Variants in TTBK1 observed in about 807,000 individuals in gnomAD.
TTBK1 encodes tau-tubulin kinase 1.
A neutral mutation model predicts 108.5 loss-of-function variants in TTBK1; 34 were observed. The ratio of observed to expected loss-of-function variants is 0.31; its 90% CI spans 0.24 to 0.42. The LOEUF (loss-of-function observed/expected upper bound fraction) is 0.42, where lower values mean the gene tolerates loss of function less well. Ranked by LOEUF, TTBK1 falls within the 10% of genes least tolerant of loss-of-function variation. The pLI is 1.00. For missense variants in TTBK1, 1,539 were observed against 1,826.0 expected, an observed-to-expected ratio of 0.84 and a Z score of 2.86; for synonymous variants, 809 against 795.1, an observed-to-expected ratio of 1.02 and a Z score of -0.29.
At position 43,259,715 on chromosome 6, in the gene TTBK1, G is replaced by A. The variant is rs1194288246; in HGVS notation, c.1424+9G>A. ...GAGCTACCTGAGAGGAGGTGGGTCT[G>A]GGGCCAGGGGCATGGTTGGGGCCCA... On this transcript the variant is annotated intron_variant, in intron 12 of 14. Transcript: ENST00000259750. This position sits in a 1 kb window ranked among gnomAD's most constrained non-coding sequence, Gnocchi z 6.7. 1 of 1,562,466 alleles carries A rather than the reference G, an allele frequency of 6.4e-7. No individual in the cohort carries two copies. The highest frequency in any genetic ancestry group is 8.7e-7 in the Non-Finnish European group (1 of 1,155,494).
At chr6:43,271,175 G>C in intron 13 of TTBK1, 1 of 985,496 alleles carries the variant, frequency 1.0e-6, no homozygotes, top group South Asian at 4.7e-5. Flanking sequence ...AGAAAGGGCC[G>C]TGCCTGTATG....
rs906282222 is a variant in TTBK1, at chr6:43,265,153, G to T, written c.1986+1803G>T. Reference sequence around the variant, plus strand: ...AGAGTCATGGAGGGGATGCCGGAAGGGGCTCAGGGGCTGTGCCGCGTTCCA... The same window carrying T: ...AGAGTCATGGAGGGGATGCCGGAAGTGGCTCAGGGGCTGTGCCGCGTTCCA... On this transcript the variant is annotated intron_variant, in intron 13 of 14. Coordinates refer to ENST00000259750, the MANE Select transcript of TTBK1 (RefSeq NM_032538.3). The surrounding 1 kb of genome is among the most constrained non-coding windows in gnomAD (Gnocchi z 4.1). 6.6e-5 allele frequency among the ~76,000 whole-genome samples: 10 copies of T among 152,288 alleles called. No individual in the cohort carries two copies. The highest frequency in any genetic ancestry group is 2.0e-4 in the Admixed American group (3 of 15,310).
intron 13 of TTBK1, among the ~76,000 whole-genome samples, chr6:43,264,552 G>A (rs973240243): frequency 6.6e-6 from 1 of 152,220 alleles, no homozygotes; most frequent in Non-Finnish European, 1.5e-5. Flanking sequence ...TGTGCAGGGT[G>A]TGGAACCCAA....
At chr6:43,254,686 A>G in intron 6 of TTBK1, 35 bp downstream of exon 6, 2 of 1,476,076 alleles carry the variant, frequency 1.4e-6, no homozygotes, top group Non-Finnish European at 1.8e-6. Context: ...ACAGTGGAGG[A>G]CTCCCCCCTA....
rs1299890443 is a variant in TTBK1 at position 43,284,050 on chromosome 6, C to T, written c.3310C>T (p.Arg1104Trp). 7 of 1,544,610 alleles carry T rather than the reference C, an allele frequency of 4.5e-6. No individual in the cohort carries two copies. The highest frequency in any genetic ancestry group is 1.2e-5 in the South Asian group (1 of 85,138). The part of the protein sequence containing the change: ...MEKRQGRLLL[R>W]LASGASSSSS... ...GAAGAGGCAGGGCCGCCTGCTGTTGCGGCTGGCCTCAGGGGCCTCGTCCTC... is the reference window on the plus strand; with the variant it reads ...GAAGAGGCAGGGCCGCCTGCTGTTGTGGCTGGCCTCAGGGGCCTCGTCCTC... The change falls in exon 14 of 15, where the codon CGG becomes TGG. Residue 1104 changes from arginine to tryptophan, a missense_variant. By Grantham distance (101) the Arg-to-Trp change is moderately radical. Coordinates refer to ENST00000259750, the MANE Select transcript of TTBK1 (RefSeq NM_032538.3).
In TTBK1 at chr6:43,253,185, C is replaced by T. The variant is rs926344153; in HGVS notation, c.257-106C>T. On this transcript the variant is annotated intron_variant, in intron 3 of 14. Transcript: ENST00000259750. The surrounding 1 kb of genome is among the most constrained non-coding windows in gnomAD (Gnocchi z 5.8). Reference sequence around the variant, plus strand: ...GTGGCAAGACAGGTGCTCACAGGGCCAGCACTGGAGGGACCAGGAATCAAG... The same window carrying T: ...GTGGCAAGACAGGTGCTCACAGGGCTAGCACTGGAGGGACCAGGAATCAAG... 2.4e-6 allele frequency: 3 copies of T among 1,262,222 alleles called. No individual in the cohort carries two copies. The African/African-American group carries it at 4.4e-5, about 19-fold the overall frequency. The allele number at this position is 1,262,222 out of a possible 1,614,324, so 78.2% of individuals were successfully genotyped here.
chr6:43,259,567 G>A lies in TTBK1; in HGVS notation c.1285G>A (p.Gly429Arg). The A allele has an allele frequency of 6.2e-7, 1 of 1,605,034 alleles. No homozygotes were observed. The highest frequency in any genetic ancestry group is 1.1e-5 in the South Asian group (1 of 89,500). Reference sequence around the variant, plus strand: ...GGAGGAGGAACAGAGCCGAGGCATGGGGGTCCCCAGCTCCCCAGTGCGTGC... The same window carrying A: ...GGAGGAGGAACAGAGCCGAGGCATGAGGGTCCCCAGCTCCCCAGTGCGTGC... ...CVEEEQSRGM[G>R]VPSSPVRAPP... is the part of the protein sequence containing the mutation. Residue 429 changes from glycine to arginine, a missense_variant, in exon 12 of 15, where the codon GGG becomes AGG. By Grantham distance (125) the Gly-to-Arg change is moderately radical. Transcript: ENST00000259750. The surrounding 1 kb of genome is among the most constrained non-coding windows in gnomAD (Gnocchi z 6.7).
chr6:43,268,224 A>G (rs1777733280), intron 13 of TTBK1, among the ~76,000 whole-genome samples: 1 of 152,168 alleles, frequency 6.6e-6, no homozygotes, highest in African/African-American at 2.4e-5. Context: ...TGTTAACTCA[A>G]GCCACCCACA....
rs1233130727 is a variant in TTBK1 at position 43,269,965 on chromosome 6, C to CG, written c.1986+6615_1986+6616insG. On this transcript the variant is annotated intron_variant, in intron 13 of 14. Coordinates refer to ENST00000259750, the MANE Select transcript of TTBK1 (RefSeq NM_032538.3). The surrounding 1 kb of genome is among the most constrained non-coding windows in gnomAD (Gnocchi z 4.8). ...CACAAGACCTAGGCTGGGCCCCCCC[C>CG]CTCCTGGAGGGGGCAGGTGGGGGGG... 7.0e-7 allele frequency: 1 copy of CG among 1,433,836 alleles called. No individual in the cohort carries two copies. Among genetic ancestry groups the CG allele is most frequent in the Non-Finnish European group, 9.1e-7 (1 of 1,098,250 alleles). The allele number at this position is 1,433,836 out of a possible 1,614,324, so 88.8% of individuals were successfully genotyped here. A position where few individuals can be genotyped will look rare whatever the true frequency, so the allele number is the denominator to read the frequency against.
intron 2 of TTBK1, among the ~76,000 whole-genome samples, chr6:43,252,162 C>A (rs1777259462): frequency 6.6e-6 from 1 of 150,546 alleles, no homozygotes; most frequent in African/African-American, 2.5e-5. Flanking sequence ...AGGTCTTTTA[C>A]CCTTTCCTGA....
At position 43,259,357 on chromosome 6, in the gene TTBK1, C is replaced by CCCCT. The variant is rs1777467924; in HGVS notation, c.1248+88_1248+89insCCCT. 4.6e-6 allele frequency: 6 copies of CCCCT among 1,317,280 alleles called. No homozygotes were observed. Among genetic ancestry groups the CCCCT allele is most frequent in the Middle Eastern group, 2.0e-4 (1 of 4,948 alleles). 81.6% of individuals were successfully genotyped at this position (1,317,280 alleles called of 1,614,324 possible). A position where few individuals can be genotyped will look rare whatever the true frequency, so the allele number is the denominator to read the frequency against. On this transcript the variant is annotated intron_variant, in intron 11 of 14. Transcript: ENST00000259750. This position sits in a 1 kb window ranked among gnomAD's most constrained non-coding sequence, Gnocchi z 6.7. ...GTGCCCCTGCCCTGTTCCTCCTAAG[C>CCCCT]ACCCTGTCCCCGGCCATCTGCCTGC...
Position 43,257,912 on chromosome 6 carries a change from C to A in TTBK1, c.962C>A (p.Thr321Lys), listed in dbSNP as rs145954974. The A allele has an allele frequency of 1.2e-6, 2 of 1,613,846 alleles. No individual in the cohort carries two copies. The highest frequency in any genetic ancestry group is 1.3e-5 in the African/African-American group (1 of 74,872). The change falls in exon 10 of 15, where the codon ACG (threonine) becomes AAG (lysine). Residue 321 changes from threonine to lysine, a missense_variant. By Grantham distance (78) the Thr-to-Lys change is moderately conservative (BLOSUM62 -1). Coordinates refer to ENST00000259750, the MANE Select transcript of TTBK1 (RefSeq NM_032538.3). This position sits in a 1 kb window ranked among gnomAD's most constrained non-coding sequence, Gnocchi z 4.5. ...EKAGTDALLSTSTSTPPQQNT... is the reference protein window; with the variant it reads ...EKAGTDALLSKSTSTPPQQNT... ...GCAGGCACCGATGCCCTCCTGTCCACGAGCACCTCTACCCCGCCCCAGCAG... is the reference window on the plus strand; with the variant it reads ...GCAGGCACCGATGCCCTCCTGTCCAAGAGCACCTCTACCCCGCCCCAGCAG...
chr6:43,281,838 GTCTGTGTAT>G (rs1778173477), intron 13 of TTBK1, among the ~76,000 whole-genome samples: 1 of 152,218 alleles, frequency 6.6e-6, no homozygotes. Context: ...GCCTGGGGAT[GTCTGTGTAT>G]TGAACAGGGT....
chr6:43,247,755 G>T (rs1777133618), intron 2 of TTBK1, among the ~76,000 whole-genome samples: 1 of 152,138 alleles, frequency 6.6e-6, no homozygotes, highest in Admixed American at 6.5e-5. Flanking sequence ...GGGTGCAGGC[G>T]GGTCTCCACG....
Position 43,284,998 on chromosome 6 carries a change from GC to G in TTBK1, c.3593del (p.Pro1198GlnfsTer185). ...AITSRLQLQT[P>X]PGSATAADLR... Reference sequence around the variant, plus strand: ...TCTCAAGCAGGCTCCAGCTGCAGACGCCCCCAGGGTCGGCCACTGCTGCTGA... The same window carrying G: ...TCTCAAGCAGGCTCCAGCTGCAGACGCCCCAGGGTCGGCCACTGCTGCTGA... On this transcript the variant is annotated frameshift_variant, in exon 15 of 15. Coordinates refer to ENST00000259750, the MANE Select transcript of TTBK1 (RefSeq NM_032538.3). LOFTEE classifies it high-confidence loss of function. The G allele has an allele frequency of 1.3e-6, 2 of 1,516,052 alleles. No individual in the cohort carries two copies. The highest frequency in any genetic ancestry group is 1.4e-5 in the African/African-American group (1 of 70,172). The allele number at this position is 1,516,052 out of a possible 1,614,324, so 93.9% of individuals were successfully genotyped here.
Position 43,255,620 on chromosome 6 carries a change from G to T in TTBK1, c.711G>T (p.Leu237=), listed in dbSNP as rs1337166300. 2 of 1,613,962 alleles carry T rather than the reference G, an allele frequency of 1.2e-6. No individual in the cohort carries two copies. Among genetic ancestry groups the T allele is most frequent in the Non-Finnish European group, 1.7e-6 (2 of 1,180,008 alleles). ...YMLVEFAVGQ[L]PWRKIKDKEQ... ...TGGTGGAGTTTGCAGTGGGCCAGCT[G>T]CCCTGGAGGAAGATCAAGGACAAGG... Residue 237 remains leucine (L), a synonymous_variant, in exon 8 of 15, where the codon CTG becomes CTT. Coordinates refer to ENST00000259750, the MANE Select transcript of TTBK1 (RefSeq NM_032538.3).
chr6:43,269,741 G>A lies in TTBK1; in HGVS notation c.1986+6391G>A. 1.2e-6 allele frequency: 2 copies of A among 1,607,968 alleles called. No individual in the cohort carries two copies. Among genetic ancestry groups the A allele is most frequent in the Admixed American group, 1.7e-5 (1 of 59,910 alleles). On this transcript the variant is annotated intron_variant, in intron 13 of 14. Coordinates refer to ENST00000259750, the MANE Select transcript of TTBK1 (RefSeq NM_032538.3). This position sits in a 1 kb window ranked among gnomAD's most constrained non-coding sequence, Gnocchi z 4.8. Reference sequence around the variant, plus strand: ...TCTCCTCCTCCACGCTGGAGACGGAGCATTACCCTCACCCCGGCGGCGGCG... The same window carrying A: ...TCTCCTCCTCCACGCTGGAGACGGAACATTACCCTCACCCCGGCGGCGGCG...
At chr6:43,270,189 G>A in intron 13 of TTBK1, 1 of 1,343,626 alleles carries the variant, frequency 7.4e-7, no homozygotes, top group South Asian at 2.0e-5. Context: ...ATGGTGCAGG[G>A]AGGGGTGGGG....
intron 13 of TTBK1, among the ~76,000 whole-genome samples, chr6:43,278,421 T>TA (rs1007484794): frequency 2.0e-4 from 30 of 152,282 alleles, no homozygotes; most frequent in African/African-American, 5.8e-4. Flanking sequence ...GCCGAACCCT[T>TA]ACCATATATG....
Sources: allele counts gnomAD v4.1 joint callset (sites outside exome capture counted in the v4.1 genomes callset), GRCh38; gene constraint gnomAD v4.1.1; non-coding constraint Gnocchi (gnomAD v3.1); transcripts MANE v1.5; gene names NCBI Gene and HGNC (gene_info 2026-07-23, HGNC 2026-07-21).